DMD: variants seen among roughly 807,000 people sequenced by gnomAD.
DMD encodes the protein mutant dystrophin.
DMD carries 63 observed loss-of-function variants against 330.1 expected under a neutral mutation model. The ratio of observed to expected loss-of-function variants is 0.19; its 90% CI spans 0.16 to 0.24. The LOEUF is 0.24. DMD is among the 10% of genes least tolerant of loss of function. The pLI is 1.00. For missense variants in DMD, 3,344 were observed against 2,684.1 expected (o/e 1.25, Z -5.43); for synonymous variants, 1,223 against 959.8 (o/e 1.27, Z -5.07).
At chrX:31,222,154 C>G (rs767522350) in intron 64 of DMD, among the ~76,000 whole-genome samples, 1 of 109,172 alleles carries the variant, frequency 9.2e-6, no homozygotes, top group Non-Finnish European at 1.9e-5. Flanking sequence ...CTAGAACGCG[C>G]CACTGCACTC....
At chrX:32,632,579 A>T (rs1159575283) in intron 11 of DMD, among the ~76,000 whole-genome samples, 1 of 111,832 alleles carries the variant, frequency 8.9e-6, no homozygotes, top group Non-Finnish European at 1.9e-5. Context: ...TTTCCATACA[A>T]CCTCTAAAAT....
rs1405178197 is a variant in DMD, at chrX:32,541,362, T to G, written c.2168+3797A>C. 6.3e-5 allele frequency among the ~76,000 whole-genome samples: 7 copies of G among 111,555 alleles called. No homozygotes were observed. The East Asian group carries it at 2.0e-3, about 32-fold the overall frequency. On this transcript the variant is annotated intron_variant, in intron 17 of 78. Coordinates refer to ENST00000357033, the MANE Select transcript of DMD (RefSeq NM_004006.3). ...ACAATCTTCCTCCATCTTCATCATC[T>G]CTATGGTCTCCACCACCAAATAAGA...
chrX:32,974,900 T>C (rs2092494586), intron 2 of DMD, among the ~76,000 whole-genome samples: 1 of 112,102 alleles, frequency 8.9e-6, no homozygotes, highest in East Asian at 2.8e-4. Context: ...GGCAAAATGG[T>C]CTCATGTATT....
At chrX:31,552,984 GA>G (rs1393287770) in intron 55 of DMD, among the ~76,000 whole-genome samples, 1 of 111,645 alleles carries the variant, frequency 9.0e-6, no homozygotes, top group African/African-American at 3.3e-5. Flanking sequence ...GAAGTCTCCT[GA>G]AAATCTGAAA....
intron 5 of DMD, among the ~76,000 whole-genome samples, chrX:32,819,388 AGCTC>A (rs2078032064): frequency 9.0e-6 from 1 of 111,248 alleles, no homozygotes; most frequent in East Asian, 2.8e-4. Context: ...GACTTCTGAT[AGCTC>A]ACCACTGTTA....
At chrX:31,909,610 C>T (rs973148641) in intron 47 of DMD, among the ~76,000 whole-genome samples, 2 of 110,139 alleles carry the variant, frequency 1.8e-5, no homozygotes, top group Middle Eastern at 4.3e-3. Flanking sequence ...CTGTCACTTA[C>T]AGCATTAAGA....
intron 7 of DMD, among the ~76,000 whole-genome samples, chrX:32,705,121 T>C (rs1603206193): frequency 8.9e-6 from 1 of 112,306 alleles, no homozygotes; most frequent in South Asian, 3.6e-4. Context: ...TACAAGTCAC[T>C]ATATACAATA....
chrX:32,201,473 C>T lies in DMD; in HGVS notation c.6438+15443G>A, dbSNP rs1188297656. On this transcript the variant is annotated intron_variant, in intron 44 of 78. Transcript: ENST00000357033. Reference sequence around the variant, plus strand: ...TATTTATATGCAAATTCAAACACCCCCCCCCCCCCCAACAAGGAGGCCATA... The same window carrying T: ...TATTTATATGCAAATTCAAACACCCTCCCCCCCCCCAACAAGGAGGCCATA... Among the ~76,000 whole-genome samples the T allele has an allele frequency of 5.3e-4, 44 of 82,710 alleles. 1 individual carries two copies. The highest frequency in any genetic ancestry group is 2.5e-3 in the East Asian group (7 of 2,791). The allele number at this position is 82,710 out of a possible 115,157, so 71.8% of individuals were successfully genotyped here.
At chrX:33,170,062 T>TAGACCCATG (rs1197060474) in intron 1 of DMD, among the ~76,000 whole-genome samples, 2 of 111,351 alleles carry the variant, frequency 1.8e-5, no homozygotes, top group African/African-American at 3.2e-5. Flanking sequence ...AACTCATTGG[T>TAGACCCATG]AGACCCATGA....
intron 2 of DMD, among the ~76,000 whole-genome samples, chrX:32,862,387 G>A (rs1347827708): frequency 5.4e-5 from 6 of 111,778 alleles, no homozygotes; most frequent in Admixed American, 9.5e-5. Flanking sequence ...CATCGTTAAT[G>A]GAAATCAAGT....
rs371709679 is a variant in DMD at position 32,670,381 on chromosome X, C to T, written c.961-25229G>A. On this transcript the variant is annotated intron_variant, in intron 9 of 78. Transcript: ENST00000357033. ...TGTTGATTAGAAATAAATTTTAACA[C>T]AAAGGCCAGAAGACATAACTTAGAA... Among the ~76,000 whole-genome samples the T allele has an allele frequency of 3.3e-4, 37 of 111,895 alleles. No homozygotes were observed. The East Asian group carries it at 4.5e-3, about 14-fold the overall frequency.
chrX:31,897,449 G>A (rs1432941337), intron 47 of DMD, among the ~76,000 whole-genome samples: 5 of 100,568 alleles, frequency 5.0e-5, no homozygotes, highest in Non-Finnish European at 8.0e-5. Context: ...GTAATGGGAT[G>A]GCTGGGTCAA....
intron 55 of DMD, among the ~76,000 whole-genome samples, chrX:31,583,455 T>C (rs2076431573): frequency 9.1e-6 from 1 of 109,793 alleles, no homozygotes; most frequent in Non-Finnish European, 1.9e-5. Flanking sequence ...AAGGAGAAAA[T>C]TACAAGGAGA....
intron 57 of DMD, among the ~76,000 whole-genome samples, chrX:31,483,038 A>ATT (rs2068439420): frequency 1.1e-5 from 1 of 92,951 alleles, no homozygotes; most frequent in African/African-American, 4.2e-5. Context: ...AAGGAAATGG[A>ATT]TCTTTTTTTT....
chrX:31,139,916 G>A (rs2035833496), intron 76 of DMD, among the ~76,000 whole-genome samples: 1 of 112,302 alleles, frequency 8.9e-6, no homozygotes, highest in African/African-American at 3.2e-5. Context: ...TTCCTGGCTT[G>A]TCTGATTGTG....
At chrX:33,193,109 C>T (rs1053984370) in intron 1 of DMD, among the ~76,000 whole-genome samples, 1 of 111,702 alleles carries the variant, frequency 9.0e-6, no homozygotes, top group Non-Finnish European at 1.9e-5. Context: ...AAGTTCAAGA[C>T]CAGCCTGGCC....
At chrX:32,012,420 C>T (rs2095717156) in intron 44 of DMD, among the ~76,000 whole-genome samples, 1 of 111,870 alleles carries the variant, frequency 8.9e-6, no homozygotes, top group Non-Finnish European at 1.9e-5. Flanking sequence ...TATTGTGCCT[C>T]AGTCACCCCC....
intron 74 of DMD, among the ~76,000 whole-genome samples, chrX:31,163,652 A>T (rs1441476444): frequency 9.0e-6 from 1 of 110,615 alleles, no homozygotes; most frequent in Non-Finnish European, 1.9e-5. Context: ...CTTACCCTAA[A>T]TTCCTTACCT....
intron 7 of DMD, among the ~76,000 whole-genome samples, chrX:32,745,491 A>T (rs754368107): frequency 8.9e-6 from 1 of 112,283 alleles, no homozygotes; most frequent in East Asian, 2.8e-4. Flanking sequence ...ATGGTTTCAC[A>T]GACAGGGTGT....
Sources: allele counts gnomAD v4.1 joint callset (sites outside exome capture counted in the v4.1 genomes callset), GRCh38; gene constraint gnomAD v4.1.1; transcripts MANE v1.5; gene names NCBI Gene and HGNC (gene_info 2026-07-23, HGNC 2026-07-21).